The following SPMIP4 variants were observed in gnomAD, a reference collection of about 807,000 sequenced individuals.
SPMIP4 encodes sperm-associated microtubule inner protein 4.
the SPMIP4 span, chr7:25,158,505 C>T: frequency 1.2e-6 from 2 of 1,606,670 alleles, no homozygotes; most frequent in South Asian, 1.1e-5. Flanking sequence ...ACTTACCCTA[C>T]TGTTGAATTA....
At chr7:25,141,811 C>T in the SPMIP4 span, among the ~76,000 whole-genome samples, 1 of 152,196 alleles carries the variant, frequency 6.6e-6, no homozygotes, top group South Asian at 2.1e-4. Context: ...GATCTCAGCT[C>T]ATTGCAACCT....
At chr7:25,140,490 C>T in the SPMIP4 span, among the ~76,000 whole-genome samples, 1 of 151,960 alleles carries the variant, frequency 6.6e-6, no homozygotes, top group Non-Finnish European at 1.5e-5. Context: ...TTAGTAGAGA[C>T]AGGGTTTCAC....
the SPMIP4 span, chr7:25,142,280 T>C: frequency 1.5e-5 from 25 of 1,613,466 alleles, no homozygotes; most frequent in Middle Eastern, 6.6e-4. Context: ...TTAACTCTGC[T>C]ACCATCTTTT....
the SPMIP4 span, among the ~76,000 whole-genome samples, chr7:25,139,298 T>A: frequency 6.6e-6 from 1 of 152,148 alleles, no homozygotes; most frequent in Admixed American, 6.5e-5. Context: ...TTCTGGATGA[T>A]GGATGGTTAG....
chr7:25,147,850 TTTA>T, the SPMIP4 span, among the ~76,000 whole-genome samples: 1 of 152,192 alleles, frequency 6.6e-6, no homozygotes, highest in Non-Finnish European at 1.5e-5. Context: ...TCAGGTAGAT[TTTA>T]TTATTATTCC....
At chr7:25,137,443 G>A in the SPMIP4 span, among the ~76,000 whole-genome samples, 12,905 of 151,888 alleles carry the variant, frequency 0.085, 700 homozygotes, top group Non-Finnish European at 0.12. Flanking sequence ...ATTTGCTAGC[G>A]CTGCCATAAT....
At chr7:25,148,295 C>T in the SPMIP4 span, among the ~76,000 whole-genome samples, 6 of 152,178 alleles carry the variant, frequency 3.9e-5, no homozygotes, top group East Asian at 1.2e-3. Flanking sequence ...CCTCCTGAGC[C>T]TGGTGTGGTC....
At chr7:25,165,671 G>A in the SPMIP4 span, among the ~76,000 whole-genome samples, 1 of 152,190 alleles carries the variant, frequency 6.6e-6, no homozygotes, top group Non-Finnish European at 1.5e-5. Flanking sequence ...TTGAAGCAAC[G>A]GTCCTCCAAC....
the SPMIP4 span, among the ~76,000 whole-genome samples, chr7:25,141,537 A>G: frequency 3.7e-5 from 5 of 135,336 alleles, no homozygotes; most frequent in Admixed American, 8.3e-5. Context: ...GTGCCACCGT[A>G]CTCCAGCCTG....
At chr7:25,162,948 A>G in the SPMIP4 span, among the ~76,000 whole-genome samples, 1 of 151,948 alleles carries the variant, frequency 6.6e-6, no homozygotes, top group Non-Finnish European at 1.5e-5. Flanking sequence ...ATTTCTGTAG[A>G]GACAGTTTCA....
chr7:25,156,852 T>G, the SPMIP4 span, among the ~76,000 whole-genome samples: 4 of 152,120 alleles, frequency 2.6e-5, no homozygotes, highest in Non-Finnish European at 4.4e-5. Context: ...CACACCCAAC[T>G]AATTTTTTGT....
chr7:25,179,191 T>G, the SPMIP4 span: 3 of 1,608,582 alleles, frequency 1.9e-6, no homozygotes, highest in East Asian at 2.2e-5. Context: ...TCTGAGGCAG[T>G]TGGGCGAGTA....
chr7:25,142,937 T>G, the SPMIP4 span: 8 of 609,998 alleles, frequency 1.3e-5, no homozygotes, highest in South Asian at 3.4e-5. Context: ...GTTTTTTTTT[T>G]GTCATTAATT....
chr7:25,136,778 G>A, the SPMIP4 span: 21 of 1,607,640 alleles, frequency 1.3e-5, no homozygotes, highest in Non-Finnish European at 1.5e-5. The surrounding 1 kb of genome is among the most constrained non-coding windows in gnomAD (Gnocchi z 5.7). Flanking sequence ...TTGAAGACAG[G>A]GTGGAATTTT....
the SPMIP4 span, among the ~76,000 whole-genome samples, chr7:25,165,504 G>A: frequency 6.6e-6 from 1 of 152,158 alleles, no homozygotes. Context: ...CCAGGCTGGG[G>A]TGCAATGGCA....
chr7:25,144,904 TCTC>T, the SPMIP4 span, among the ~76,000 whole-genome samples: 2 of 152,012 alleles, frequency 1.3e-5, no homozygotes, highest in Non-Finnish European at 2.9e-5. Context: ...CCCCTTTTGA[TCTC>T]CTTATCTTTT....
At chr7:25,136,500 G>C in the SPMIP4 span, 2 of 1,614,102 alleles carry the variant, frequency 1.2e-6, no homozygotes, top group South Asian at 1.1e-5. This position sits in a 1 kb window ranked among gnomAD's most constrained non-coding sequence, Gnocchi z 5.7. Flanking sequence ...CTTTTGTTGG[G>C]TAACAAGATG....
chr7:25,162,103 C>G, the SPMIP4 span, among the ~76,000 whole-genome samples: 2,381 of 151,572 alleles, frequency 0.016, 22 homozygotes, highest in Middle Eastern at 0.041. Flanking sequence ...AAAACCATCT[C>G]TACTAAAAAT....
chr7:25,169,816 T>TC, the SPMIP4 span, among the ~76,000 whole-genome samples: 1 of 152,088 alleles, frequency 6.6e-6, no homozygotes, highest in African/African-American at 2.4e-5. Context: ...CCTCAGGTGA[T>TC]CCCCCCTACC....
Sources: gnomAD v4.1 joint callset for allele counts (sites outside exome capture counted in the v4.1 genomes callset) on GRCh38, gnomAD v4.1.1 for gene constraint, Gnocchi (gnomAD v3.1) non-coding constraint, MANE v1.5 for transcripts, NCBI Gene and HGNC (gene_info 2026-07-23, HGNC 2026-07-21) for gene names.